The following EGFLAM variants were observed in gnomAD, a reference collection of about 807,000 sequenced individuals.
The protein encoded by EGFLAM is EGF like, fibronectin type III and laminin G domains.
Under a neutral mutation model 113.1 loss-of-function variants are expected in EGFLAM, and 79 were observed. The ratio of observed to expected loss-of-function variants is 0.70; its 90% confidence interval spans 0.58 to 0.84. The LOEUF is 0.84. Ranked by LOEUF, EGFLAM falls within the 40% of genes least tolerant of loss-of-function variation. EGFLAM has a pLI of 0.00. For missense variants in EGFLAM, 1,265 were observed against 1,291.6 expected (o/e 0.98, Z 0.32); for synonymous variants, 504 against 487.6 (o/e 1.03, Z -0.44).
At chr5:38,456,639 C>T (rs757047970) in intron 19 of EGFLAM, among the ~76,000 whole-genome samples, 2 of 152,132 alleles carry the variant, frequency 1.3e-5, no homozygotes, top group Non-Finnish European at 2.9e-5. Context: ...GTGAGTTCTT[C>T]GAGCCTCCAT....
At chr5:38,357,832 AG>A (rs1739802501) in intron 5 of EGFLAM, among the ~76,000 whole-genome samples, 7 of 150,690 alleles carry the variant, frequency 4.6e-5, no homozygotes, top group Admixed American at 4.6e-4. Flanking sequence ...AAGATTTCAA[AG>A]GCATTGTTAG....
chr5:38,377,800 G>A (rs1323663411), intron 6 of EGFLAM, among the ~76,000 whole-genome samples: 2 of 152,224 alleles, frequency 1.3e-5, no homozygotes, highest in Non-Finnish European at 2.9e-5. Context: ...ATTCAAGGCT[G>A]TAAGGATGAG....
intron 17 of EGFLAM, among the ~76,000 whole-genome samples, chr5:38,446,390 T>C (rs1001674907): frequency 5.3e-5 from 8 of 152,068 alleles, no homozygotes; most frequent in South Asian, 2.1e-4. Context: ...CGGCACTTTC[T>C]TTCCTCCTCT....
At chr5:38,340,815 CTGTG>C (rs1171876090) in intron 3 of EGFLAM, among the ~76,000 whole-genome samples, 4 of 126,666 alleles carry the variant, frequency 3.2e-5, no homozygotes, top group Admixed American at 1.1e-4. Context: ...CTCTCAATCT[CTGTG>C]TGTGTGTGTG....
At chr5:38,352,456 G>A in intron 5 of EGFLAM, 125 bp downstream of exon 5, 2 of 1,252,680 alleles carry the variant, frequency 1.6e-6, no homozygotes, top group Non-Finnish European at 1.1e-6. Flanking sequence ...AGACCAGCCT[G>A]ACCAACATGG....
At chr5:38,325,545 T>C (rs763589552) in intron 1 of EGFLAM, among the ~76,000 whole-genome samples, 5 of 152,240 alleles carry the variant, frequency 3.3e-5, no homozygotes, top group East Asian at 1.9e-4. Flanking sequence ...AGATCAGAAG[T>C]AGACTAAGGT....
intron 5 of EGFLAM, among the ~76,000 whole-genome samples, chr5:38,367,804 G>A (rs1311920837): frequency 6.6e-6 from 1 of 152,162 alleles, no homozygotes; most frequent in Non-Finnish European, 1.5e-5. Flanking sequence ...TACCTGAAGA[G>A]ACTCTAAAAA....
chr5:38,332,125 G>A (rs1218600943), intron 1 of EGFLAM, among the ~76,000 whole-genome samples: 1 of 152,140 alleles, frequency 6.6e-6, no homozygotes, highest in Non-Finnish European at 1.5e-5. Flanking sequence ...ATTCTAACAG[G>A]CATACAGGGA....
At chr5:38,386,435 C>T (rs915582728) in intron 6 of EGFLAM, among the ~76,000 whole-genome samples, 1 of 152,194 alleles carries the variant, frequency 6.6e-6, no homozygotes, top group African/African-American at 2.4e-5. Flanking sequence ...TCATGTGACC[C>T]ACCCGCTTTG....
chr5:38,405,681 C>T (rs979830326), intron 6 of EGFLAM, among the ~76,000 whole-genome samples: 3 of 152,146 alleles, frequency 2.0e-5, no homozygotes, highest in Non-Finnish European at 2.9e-5. Flanking sequence ...GTTTTGAACA[C>T]GCCTTTTGGT....
intron 6 of EGFLAM, among the ~76,000 whole-genome samples, chr5:38,377,632 C>T (rs1740400209): frequency 6.6e-6 from 1 of 152,102 alleles, no homozygotes; most frequent in Non-Finnish European, 1.5e-5. Context: ...TTCTAGAAAC[C>T]CACATAGGCC....
Position 38,371,617 on chromosome 5 carries a change from CACACAT to C in EGFLAM, c.712+1161_712+1166del, listed in dbSNP as rs577316091. Among the ~76,000 whole-genome samples the C allele has an allele frequency of 7.4e-3, 1,115 of 151,424 alleles. 6 individuals carry two copies. The highest frequency in any genetic ancestry group is 0.013 in the South Asian group (61 of 4,804). On this transcript the variant is annotated intron_variant, in intron 6 of 21. Transcript: ENST00000322350. ...ACTCCAAAACACACACATGCGCACA[CACACAT>C]ACACACACACACACGCACACACATA...
In EGFLAM at chr5:38,463,997, C is replaced by T. The variant is rs970873140; in HGVS notation, c.*11C>T. ...TGTGGAGCCAAGTAACACCAGCTGG[C>T]CTTGTCCAAGGGACAGAGCCTTCTA... On this transcript the variant is annotated 3_prime_UTR_variant, in exon 22 of 22. Transcript: ENST00000322350. 6.2e-7 allele frequency: 1 copy of T among 1,614,024 alleles called. No homozygotes were observed. Among genetic ancestry groups the T allele is most frequent in the African/African-American group, 1.3e-5 (1 of 74,942 alleles).
chr5:38,422,789 C>T (rs2956599), intron 12 of EGFLAM, among the ~76,000 whole-genome samples: 130,941 of 152,170 alleles, frequency 0.86, 56,421 homozygotes, highest in East Asian at 0.98. Flanking sequence ...GAACTACTAA[C>T]ACTAGAAGTA....
chr5:38,455,752 G>C (rs1026586526), intron 19 of EGFLAM, among the ~76,000 whole-genome samples: 1 of 152,158 alleles, frequency 6.6e-6, no homozygotes, highest in African/African-American at 2.4e-5. Context: ...CTGTCTGCCA[G>C]GTTCACGGTT....
chr5:38,275,759 A>G (rs192023715), intron 1 of EGFLAM, among the ~76,000 whole-genome samples: 1 of 152,328 alleles, frequency 6.6e-6, no homozygotes, highest in Admixed American at 6.5e-5. Flanking sequence ...ACAGTTGCAG[A>G]ATACACAATT....
At chr5:38,456,174 T>G (rs1743079376) in intron 19 of EGFLAM, among the ~76,000 whole-genome samples, 1 of 152,152 alleles carries the variant, frequency 6.6e-6, no homozygotes, top group African/African-American at 2.4e-5. Context: ...CGATGTGCAG[T>G]GCTTCCTACA....
intron 17 of EGFLAM, among the ~76,000 whole-genome samples, chr5:38,441,024 C>T (rs1216966862): frequency 6.6e-6 from 1 of 152,218 alleles, no homozygotes; most frequent in Non-Finnish European, 1.5e-5. Flanking sequence ...CAGTTCCAGG[C>T]ACTTGGACTA....
intron 1 of EGFLAM, among the ~76,000 whole-genome samples, chr5:38,309,265 T>G (rs1358250621): frequency 1.3e-5 from 2 of 152,240 alleles, no homozygotes; most frequent in East Asian, 3.9e-4. Context: ...CAATGGTAAC[T>G]TAAAATTGGC....
Sources: gnomAD v4.1 joint callset for allele counts (sites outside exome capture counted in the v4.1 genomes callset) on GRCh38, gnomAD v4.1.1 for gene constraint, MANE v1.5 for transcripts, NCBI Gene and HGNC (gene_info 2026-07-23, HGNC 2026-07-21) for gene names.